The following DLGAP2 variants were observed in gnomAD, a reference collection of about 807,000 sequenced individuals.
DLGAP2 encodes the protein DLG associated protein 2.
A neutral mutation model predicts 100.3 loss-of-function variants in DLGAP2; 26 were observed. The observed-to-expected ratio is 0.26, with a 90% CI of 0.19 to 0.36. The LOEUF (loss-of-function observed/expected upper bound fraction) is 0.36. Among genes scored for constraint, DLGAP2 ranks in the 10% least tolerant of loss-of-function variants. The probability of loss-of-function intolerance (pLI) is 1.00; values close to 1 mark genes in which losing one functional copy is unlikely to be tolerated. For missense variants in DLGAP2, 1,858 were observed against 1,453.2 expected (o/e 1.28, Z -4.53); for synonymous variants, 886 against 630.1 (o/e 1.41, Z -6.08).
At chr8:831,088 G>C (rs1227576482) in intron 1 of DLGAP2, among the ~76,000 whole-genome samples, 1 of 151,948 alleles carries the variant, frequency 6.6e-6, no homozygotes, top group African/African-American at 2.4e-5. Context: ...AGTAAAGACA[G>C]GGTTTCACCA....
At chr8:990,018 C>A (rs1437515181) in intron 2 of DLGAP2, among the ~76,000 whole-genome samples, 2 of 152,098 alleles carry the variant, frequency 1.3e-5, no homozygotes, top group African/African-American at 2.4e-5. Flanking sequence ...CAGCCAACCT[C>A]CTGGACCACT....
At chr8:814,451 A>T (rs1057049516) in intron 1 of DLGAP2, among the ~76,000 whole-genome samples, 2 of 152,210 alleles carry the variant, frequency 1.3e-5, no homozygotes, top group African/African-American at 2.4e-5. Flanking sequence ...TGGAGACTTT[A>T]TGTAACTATG....
chr8:930,724 G>A (rs1164699413), intron 2 of DLGAP2, among the ~76,000 whole-genome samples: 1 of 152,202 alleles, frequency 6.6e-6, no homozygotes, highest in East Asian at 1.9e-4. Context: ...CCACACTGCA[G>A]AGACTTCCTC....
chr8:1,096,143 G>A (rs1804358624), intron 2 of DLGAP2, among the ~76,000 whole-genome samples: 1 of 152,174 alleles, frequency 6.6e-6, no homozygotes, highest in African/African-American at 2.4e-5. Flanking sequence ...AGGTGTGTTT[G>A]GGGTTAATTG....
intron 6 of DLGAP2, among the ~76,000 whole-genome samples, chr8:1,603,650 C>G (rs1157219961): frequency 1.3e-5 from 2 of 152,286 alleles, no homozygotes; most frequent in Admixed American, 6.5e-5. Context: ...GAGGCTGGGT[C>G]TTCATTCTTT....
At chr8:1,563,742 A>C (rs2956910) in intron 5 of DLGAP2, among the ~76,000 whole-genome samples, 4 of 152,012 alleles carry the variant, frequency 2.6e-5, no homozygotes, top group Middle Eastern at 3.4e-3. Context: ...CTGCCGGAGC[A>C]CTGGTGTGGC....
intron 14 of DLGAP2, among the ~76,000 whole-genome samples, chr8:1,699,518 G>A (rs1407306570): frequency 6.6e-6 from 1 of 152,072 alleles, no homozygotes; most frequent in Non-Finnish European, 1.5e-5. Context: ...GGAGGCTGAG[G>A]CAGGAGAATG....
At chr8:1,158,304 A>G (rs1796828559) in intron 2 of DLGAP2, among the ~76,000 whole-genome samples, 1 of 152,234 alleles carries the variant, frequency 6.6e-6, no homozygotes, top group Non-Finnish European at 1.5e-5. Context: ...AGCAGACGTC[A>G]TTATGTGCGT....
At chr8:1,546,335 C>A (rs1336008970) in intron 4 of DLGAP2, among the ~76,000 whole-genome samples, 1 of 152,164 alleles carries the variant, frequency 6.6e-6, no homozygotes, top group Non-Finnish European at 1.5e-5. Flanking sequence ...AGAAACAGCC[C>A]CACACCTTGC....
intron 14 of DLGAP2, among the ~76,000 whole-genome samples, chr8:1,697,582 C>A (rs929532146): frequency 6.6e-6 from 1 of 152,208 alleles, no homozygotes; most frequent in South Asian, 2.1e-4. Context: ...GAGACACTAG[C>A]CAAGATCACA....
At chr8:1,559,768 G>C (rs1802096940) in intron 5 of DLGAP2, among the ~76,000 whole-genome samples, 1 of 152,238 alleles carries the variant, frequency 6.6e-6, no homozygotes, top group African/African-American at 2.4e-5. Context: ...CCCGAACTGA[G>C]CTTTTCACAC....
chr8:1,139,615 C>T (rs1268803274), intron 2 of DLGAP2, among the ~76,000 whole-genome samples: 1 of 152,132 alleles, frequency 6.6e-6, no homozygotes, highest in African/African-American at 2.4e-5. Context: ...CAGTCCGTGG[C>T]AAGTAGGAAG....
At chr8:1,339,038 G>T (rs1320522831) in intron 3 of DLGAP2, among the ~76,000 whole-genome samples, 3 of 152,088 alleles carry the variant, frequency 2.0e-5, no homozygotes, top group Non-Finnish European at 4.4e-5. Flanking sequence ...TCAGGACCTG[G>T]CAGGGAATGC....
chr8:1,296,097 C>G (rs543218796), intron 3 of DLGAP2: 3 of 152,250 alleles, frequency 2.0e-5, no homozygotes, highest in African/African-American at 7.2e-5. Flanking sequence ...GTAAACCTTT[C>G]CCGAGTGTTG....
intron 1 of DLGAP2, among the ~76,000 whole-genome samples, chr8:770,303 G>T (rs1821324524): frequency 6.6e-6 from 1 of 152,110 alleles, no homozygotes; most frequent in African/African-American, 2.4e-5. Context: ...GTGTGAGGGA[G>T]GCCTTGCTCC....
At chr8:1,070,119 T>C (rs990359129) in intron 2 of DLGAP2, among the ~76,000 whole-genome samples, 1 of 152,242 alleles carries the variant, frequency 6.6e-6, no homozygotes, top group African/African-American at 2.4e-5. Context: ...GAGGAAAACC[T>C]GAGAAGGTTT....
intron 1 of DLGAP2, 151 bp downstream of exon 1, chr8:737,976 C>T: frequency 9.1e-6 from 3 of 330,606 alleles, no homozygotes. Flanking sequence ...CCCGCCGGGG[C>T]CGGAGCGCTG....
At chr8:1,194,947 C>T (rs1261861683) in intron 2 of DLGAP2, among the ~76,000 whole-genome samples, 1 of 152,242 alleles carries the variant, frequency 6.6e-6, no homozygotes, top group Non-Finnish European at 1.5e-5. Context: ...AACGGACAGT[C>T]AGGGCTGTCC....
chr8:1,199,981 A>G (rs7827363), intron 2 of DLGAP2, among the ~76,000 whole-genome samples: 88,826 of 151,400 alleles, frequency 0.59, 27,524 homozygotes, highest in African/African-American at 0.81. Flanking sequence ...AGCAGGGGTC[A>G]GTCTGTGCAT....
Sources: gnomAD v4.1 joint callset for allele counts (sites outside exome capture counted in the v4.1 genomes callset) on GRCh38, gnomAD v4.1.1 for gene constraint, MANE v1.5 for transcripts, NCBI Gene and HGNC (gene_info 2026-07-23, HGNC 2026-07-21) for gene names.